Variants in CORO2A observed in about 807,000 individuals in gnomAD.
CORO2A encodes coronin-2A.
A neutral mutation model predicts 62.4 loss-of-function variants in CORO2A; 47 were observed. The observed-to-expected ratio is 0.75, with a 90% confidence interval of 0.60 to 0.96. The LOEUF (loss-of-function observed/expected upper bound fraction) is 0.96. CORO2A is among the 40% of genes least tolerant of loss of function. The probability of loss-of-function intolerance (pLI) is 0.00; values close to 1 mark genes in which losing one functional copy is unlikely to be tolerated. For synonymous variants in CORO2A, 273 were observed against 268.9 expected (o/e 1.02, Z -0.15); for missense variants, 610 against 684.1 (o/e 0.89, Z 1.21).
chr9:98,153,246 C>A (rs1462535013), intron 2 of CORO2A, among the ~76,000 whole-genome samples: 3 of 151,696 alleles, frequency 2.0e-5, no homozygotes, highest in African/African-American at 7.3e-5. Flanking sequence ...ATTACAGGCA[C>A]CCGCTACCAC....
intron 1 of CORO2A, among the ~76,000 whole-genome samples, chr9:98,185,023 A>G (rs994292263): frequency 6.6e-6 from 1 of 152,224 alleles, no homozygotes; most frequent in South Asian, 2.1e-4. Context: ...CATTTTATAA[A>G]TGAAGAAACT....
Position 98,133,092 on chromosome 9 carries a change from G to A in CORO2A, c.594C>T (p.Thr198=), listed in dbSNP as rs375084086. ...TAACCCGAATCTTGCGGTCTTTGCA[G>A]GTGGTGGCCAACAGGCTGCCGTTGG... ...FNTNGSLLAT[T]CKDRKIRVID... is the part of the protein sequence containing the mutation. Residue 198 remains threonine, a synonymous_variant, in exon 5 of 12, where the codon ACC becomes ACT. Transcript: ENST00000375077. The A allele has an allele frequency of 2.5e-6, 4 of 1,614,138 alleles. No individual in the cohort carries two copies. The highest frequency in any genetic ancestry group is 3.4e-6 in the Non-Finnish European group (4 of 1,180,056).
At chr9:98,176,391 C>T (rs1023508352) in intron 1 of CORO2A, among the ~76,000 whole-genome samples, 2 of 152,184 alleles carry the variant, frequency 1.3e-5, no homozygotes, top group African/African-American at 4.8e-5. Context: ...TTGGCTCGTA[C>T]CAGTCTAGTG....
chr9:98,135,083 C>T (rs531875989), intron 3 of CORO2A, 128 bp from the exon 4 acceptor site: 2 of 1,228,932 alleles, frequency 1.6e-6, no homozygotes, highest in African/African-American at 3.0e-5. Context: ...CCACCTCCCA[C>T]TCAGTGGCTA....
chr9:98,173,131 T>C (rs993789475), intron 1 of CORO2A, among the ~76,000 whole-genome samples: 1 of 152,220 alleles, frequency 6.6e-6, no homozygotes, highest in Non-Finnish European at 1.5e-5. Flanking sequence ...ACAGTGATTC[T>C]GTCTCTACAA....
chr9:98,157,893 T>C (rs893345671), intron 1 of CORO2A, among the ~76,000 whole-genome samples: 4 of 152,194 alleles, frequency 2.6e-5, no homozygotes, highest in African/African-American at 7.2e-5. Flanking sequence ...ACCTGCTTGC[T>C]GATGTGTTAA....
chr9:98,158,526 G>C (rs988248054), intron 1 of CORO2A, among the ~76,000 whole-genome samples: 1 of 152,150 alleles, frequency 6.6e-6, no homozygotes, highest in Non-Finnish European at 1.5e-5. Flanking sequence ...CCAGGTACCA[G>C]GGAGTTTGGA....
intron 2 of CORO2A, among the ~76,000 whole-genome samples, chr9:98,148,102 A>G (rs1436907816): frequency 2.0e-5 from 3 of 150,868 alleles, no homozygotes; most frequent in Admixed American, 6.6e-5. Context: ...AAAAAGAAAA[A>G]AAAAAAAAGA....
chr9:98,129,877 A>C lies in CORO2A; in HGVS notation c.884T>G (p.Ile295Ser). 1 of 1,613,778 alleles carries C rather than the reference A, an allele frequency of 6.2e-7. No individual in the cohort carries two copies. The highest frequency in any genetic ancestry group is 8.5e-7 in the Non-Finnish European group (1 of 1,179,798). Residue 295 changes from isoleucine to serine, a missense_variant, in exon 8 of 12, where the codon ATC becomes AGC. Physicochemically the swap from Ile to Ser is moderately radical, Grantham distance 142 (BLOSUM62 -2). Transcript: ENST00000375077. ...LYVVGKGDGNIRYYEVSADKP... is the reference protein window; with the variant it reads ...LYVVGKGDGNSRYYEVSADKP... ...GTCGGCGCTCACCTCGTAGTAGCGG[A>C]TGTTGCCATCTCCCTGAGGAGGAGG... is the stretch of plus-strand genomic sequence containing the variant.
intron 1 of CORO2A, among the ~76,000 whole-genome samples, chr9:98,162,273 C>T (rs1324513583): frequency 6.6e-6 from 1 of 152,178 alleles, no homozygotes; most frequent in African/African-American, 2.4e-5. Context: ...CCATCACAGC[C>T]CTGGATCTCA....
At chr9:98,185,954 A>G (rs1334380905) in intron 1 of CORO2A, among the ~76,000 whole-genome samples, 1 of 152,222 alleles carries the variant, frequency 6.6e-6, no homozygotes, top group East Asian at 1.9e-4. Context: ...GGGGACCTGC[A>G]GTGTGGGCAA....
chr9:98,155,498 C>A (rs1007638314), intron 2 of CORO2A, among the ~76,000 whole-genome samples: 2 of 152,012 alleles, frequency 1.3e-5, no homozygotes, highest in African/African-American at 4.8e-5. Context: ...AGGTGCCCGC[C>A]ACTGTGCCTG....
chr9:98,142,780 G>A (rs951743967), intron 2 of CORO2A, among the ~76,000 whole-genome samples: 1 of 151,788 alleles, frequency 6.6e-6, no homozygotes, highest in African/African-American at 2.4e-5. Flanking sequence ...GCTGATGAGG[G>A]AAGGCTGCCC....
At chr9:98,171,261 G>C (rs1828030834) in intron 1 of CORO2A, among the ~76,000 whole-genome samples, 1 of 152,206 alleles carries the variant, frequency 6.6e-6, no homozygotes, top group Non-Finnish European at 1.5e-5. Flanking sequence ...CAGTCAGCCC[G>C]AGGCAGGGCT....
chr9:98,129,742 G>T, intron 8 of CORO2A, 52 bp downstream of exon 8: 1 of 1,415,714 alleles, frequency 7.1e-7, no homozygotes, highest in Non-Finnish European at 1.0e-6. Context: ...TCCCACCTCG[G>T]CCTCCCGAAG....
In CORO2A at chr9:98,190,479, A is replaced by G. The variant is rs530941169; in HGVS notation, c.-1+2080T>C. Among the ~76,000 whole-genome samples, 5 of 152,238 alleles carry G rather than the reference A, an allele frequency of 3.3e-5. No individual in the cohort carries two copies. The South Asian group carries it at 8.3e-4, about 25-fold the overall frequency. ...TTTTTTGGAGAAAAAAAGGCACTCC[A>G]ATCTTGGAATCAGGATCCCTGGGCT... On this transcript the variant is annotated intron_variant, in intron 1 of 11. Transcript: ENST00000375077.
At chr9:98,182,589 G>A (rs1564220378) in intron 1 of CORO2A, among the ~76,000 whole-genome samples, 1 of 152,190 alleles carries the variant, frequency 6.6e-6, no homozygotes, top group Non-Finnish European at 1.5e-5. Context: ...TCTTTGTGGG[G>A]TTGGATGAGG....
At chr9:98,129,248 C>T (rs915306566) in intron 8 of CORO2A, among the ~76,000 whole-genome samples, 1 of 152,174 alleles carries the variant, frequency 6.6e-6, no homozygotes, top group African/African-American at 2.4e-5. Context: ...CATCTCCATC[C>T]CCACAGCTCC....
At chr9:98,129,115 A>C (rs1827369643) in intron 8 of CORO2A, among the ~76,000 whole-genome samples, 1 of 152,106 alleles carries the variant, frequency 6.6e-6, no homozygotes, top group African/African-American at 2.4e-5. Context: ...TAGAGACAGG[A>C]GTCTCACTTT....
Sources: allele counts gnomAD v4.1 joint callset (sites outside exome capture counted in the v4.1 genomes callset), GRCh38; gene constraint gnomAD v4.1.1; transcripts MANE v1.5; gene names NCBI Gene and HGNC (gene_info 2026-07-23, HGNC 2026-07-21).